Variants in NEGR1 observed in about 807,000 individuals in gnomAD.
NEGR1 encodes neuronal growth regulator 1.
In NEGR1, 10 loss-of-function variants were observed where a neutral mutation model predicts 40.9. The observed-to-expected ratio is 0.24, with a 90% CI of 0.15 to 0.42. The LOEUF is 0.42. NEGR1 is among the 10% of genes least tolerant of loss of function. NEGR1 has a pLI of 1.00. For synonymous variants in NEGR1, 185 were observed against 166.8 expected (o/e 1.11, Z -0.84); for missense variants, 352 against 438.9 (o/e 0.80, Z 1.77).
In NEGR1 at chr1:71,702,939, CA is replaced by C. The variant is rs574039930; in HGVS notation, c.536-4801del. Among the ~76,000 whole-genome samples, 198 of 152,014 alleles carry C rather than the reference CA, an allele frequency of 1.3e-3. 1 individual carries two copies. The highest frequency in any genetic ancestry group is 3.4e-3 in the Middle Eastern group (1 of 294). ...AAGAGAGATTGGAATTCAGGTAGAC[CA>C]AGGGGATGGAAGTAGTGGTGCAGGT... On this transcript the variant is annotated intron_variant, in intron 3 of 6. Coordinates refer to ENST00000357731, the MANE Select transcript of NEGR1 (RefSeq NM_173808.3).
chr1:71,730,896 G>A (rs1263516717), intron 3 of NEGR1, among the ~76,000 whole-genome samples: 1 of 149,424 alleles, frequency 6.7e-6, no homozygotes, highest in Non-Finnish European at 1.5e-5. Flanking sequence ...GTGTGTGTGT[G>A]TGTGTGTGTG....
chr1:71,860,593 T>C (rs920181159), intron 2 of NEGR1, among the ~76,000 whole-genome samples: 9 of 151,906 alleles, frequency 5.9e-5, no homozygotes, highest in Non-Finnish European at 1.2e-4. Flanking sequence ...AATACAATGA[T>C]AGATAGTAAG....
At chr1:72,035,326 C>A (rs1039543802) in intron 1 of NEGR1, among the ~76,000 whole-genome samples, 13 of 152,138 alleles carry the variant, frequency 8.5e-5, no homozygotes, top group African/African-American at 2.7e-4. Context: ...GTCCTGAATT[C>A]TTTCTCAACT....
At chr1:71,702,215 T>G (rs2101633061) in intron 3 of NEGR1, among the ~76,000 whole-genome samples, 1 of 152,214 alleles carries the variant, frequency 6.6e-6, no homozygotes, top group South Asian at 2.1e-4. Context: ...TTTCTTCCAT[T>G]TATACATTCA....
At chr1:72,041,888 A>AAT (rs10659635) in intron 1 of NEGR1, among the ~76,000 whole-genome samples, 79,532 of 142,964 alleles carry the variant, frequency 0.56, 24,114 homozygotes, top group African/African-American at 0.79. Context: ...TTTACATATA[A>AAT]ATATATATTT....
chr1:71,954,668 G>A (rs1311539715), intron 1 of NEGR1, among the ~76,000 whole-genome samples: 1 of 151,930 alleles, frequency 6.6e-6, no homozygotes, highest in Non-Finnish European at 1.5e-5. Flanking sequence ...GAAAGTGTTG[G>A]AATAATTATC....
At chr1:72,032,681 T>A (rs941920864) in intron 1 of NEGR1, among the ~76,000 whole-genome samples, 5 of 152,116 alleles carry the variant, frequency 3.3e-5, no homozygotes, top group African/African-American at 1.2e-4. Flanking sequence ...ATATATATAT[T>A]CTCCTTTTTA....
intron 6 of NEGR1, among the ~76,000 whole-genome samples, chr1:71,544,160 A>C (rs1647810075): frequency 6.6e-6 from 1 of 151,708 alleles, no homozygotes; most frequent in Non-Finnish European, 1.5e-5. Context: ...TATTTGCTGA[A>C]ATAGTATATG....
chr1:72,025,231 T>C (rs1180981114), intron 1 of NEGR1, among the ~76,000 whole-genome samples: 1 of 152,166 alleles, frequency 6.6e-6, no homozygotes, highest in African/African-American at 2.4e-5. Flanking sequence ...AAATTCAATC[T>C]ATTCACAACA....
At chr1:71,681,494 T>C (rs1345686232) in intron 4 of NEGR1, among the ~76,000 whole-genome samples, 1 of 152,186 alleles carries the variant, frequency 6.6e-6, no homozygotes, top group Non-Finnish European at 1.5e-5. Context: ...GTTTTACAGG[T>C]GATCTTTTTT....
chr1:72,231,543 T>A (rs1205274124), intron 1 of NEGR1, among the ~76,000 whole-genome samples: 1 of 152,206 alleles, frequency 6.6e-6, no homozygotes, highest in African/African-American at 2.4e-5. Context: ...ATGTGTTTGA[T>A]ATTAATTTTC....
chr1:71,719,092 A>C (rs1654369826), intron 3 of NEGR1, among the ~76,000 whole-genome samples: 1 of 152,188 alleles, frequency 6.6e-6, no homozygotes, highest in African/African-American at 2.4e-5. Context: ...CTCTCTGGGG[A>C]AAGAGTTCTA....
intron 6 of NEGR1, among the ~76,000 whole-genome samples, chr1:71,490,228 G>A (rs1335506979): frequency 6.6e-6 from 1 of 151,778 alleles, no homozygotes; most frequent in Non-Finnish European, 1.5e-5. Context: ...CCACCCAAAG[G>A]TAGCAATAAC....
chr1:71,735,796 T>C (rs1281790489), intron 3 of NEGR1, among the ~76,000 whole-genome samples: 4 of 152,070 alleles, frequency 2.6e-5, no homozygotes, highest in African/African-American at 7.2e-5. Context: ...TGATGACAGG[T>C]ACTAGAGGGC....
intron 3 of NEGR1, among the ~76,000 whole-genome samples, chr1:71,753,688 T>C (rs1448407031): frequency 6.6e-6 from 1 of 152,158 alleles, no homozygotes. Context: ...GAGAATGAGC[T>C]GTCATTGTTT....
chr1:72,282,529 A>G lies in NEGR1; in HGVS notation c.-35T>C, dbSNP rs774082521. 4.0e-6 allele frequency: 6 copies of G among 1,500,118 alleles called. No homozygotes were observed. In the South Asian group the frequency reaches 4.7e-5, roughly 12 times the overall value. The allele number at this position is 1,500,118 out of a possible 1,614,324, so 92.9% of individuals were successfully genotyped here. ...GGCTGCTCACTCTCCAGCAGCTTTCAGCTCGCACTCCCCCACCCCCTGGTG... is the reference window on the plus strand; with the variant it reads ...GGCTGCTCACTCTCCAGCAGCTTTCGGCTCGCACTCCCCCACCCCCTGGTG... On this transcript the variant is annotated 5_prime_UTR_variant, in exon 1 of 7. Transcript: ENST00000357731.
chr1:71,848,733 A>T (rs550134230), intron 2 of NEGR1, among the ~76,000 whole-genome samples: 32 of 152,328 alleles, frequency 2.1e-4, no homozygotes, highest in African/African-American at 7.2e-4. Flanking sequence ...CTAACGAAAC[A>T]TCCTTTTTGT....
At chr1:71,950,310 G>A (rs1646058150) in intron 1 of NEGR1, among the ~76,000 whole-genome samples, 1 of 151,792 alleles carries the variant, frequency 6.6e-6, no homozygotes, top group Admixed American at 6.6e-5. Context: ...AGTATAATTT[G>A]TAGCAAGCAT....
intron 3 of NEGR1, among the ~76,000 whole-genome samples, chr1:71,744,226 C>A (rs1655308287): frequency 6.6e-6 from 1 of 150,488 alleles, no homozygotes; most frequent in African/African-American, 2.4e-5. Context: ...CTCTGCTCTG[C>A]AGCCATAATT....
Sources: allele counts gnomAD v4.1 joint callset (sites outside exome capture counted in the v4.1 genomes callset), GRCh38; gene constraint gnomAD v4.1.1; transcripts MANE v1.5; gene names NCBI Gene and HGNC (gene_info 2026-07-23, HGNC 2026-07-21).